Variants in SFI1 observed in about 807,000 individuals in gnomAD.
SFI1 encodes SFI1 centrin binding protein.
Under a neutral mutation model 207.5 loss-of-function variants are expected in SFI1, and 195 were observed. The observed-to-expected ratio is 0.94, with a 90% CI of 0.84 to 1.06. SFI1 has a LOEUF of 1.06. Ranked by LOEUF, SFI1 falls within the 50% of genes least tolerant of loss-of-function variation. The pLI, the probability that SFI1 is intolerant of heterozygous loss-of-function variation, is 0.00. For missense variants in SFI1, 1,634 were observed against 1,588.0 expected (o/e 1.03, Z -0.49); for synonymous variants, 630 against 598.9 (o/e 1.05, Z -0.76).
chr22:31,615,511 A>C (rs2071270355), intron 29 of SFI1: 1 of 412,004 alleles, frequency 2.4e-6, no homozygotes, highest in African/African-American at 2.0e-5. Flanking sequence ...AGAGACAAGC[A>C]AAGAAAAACC....
At chr22:31,565,614 A>G (rs1327587900) in intron 8 of SFI1, among the ~76,000 whole-genome samples, 1 of 151,990 alleles carries the variant, frequency 6.6e-6, no homozygotes, top group Admixed American at 6.6e-5. Flanking sequence ...TTGGAGGATC[A>G]CTTGAACCTG....
chr22:31,613,252 TC>T (rs745910162), intron 25 of SFI1, 36 bp downstream of exon 25: 1 of 1,612,928 alleles, frequency 6.2e-7, no homozygotes, highest in South Asian at 1.1e-5. Context: ...TCCCTGCCTC[TC>T]CCTCAGGCCT....
intron 22 of SFI1, among the ~76,000 whole-genome samples, chr22:31,608,787 T>G (rs1281223745): frequency 6.6e-6 from 1 of 152,008 alleles, no homozygotes; most frequent in Admixed American, 6.5e-5. Context: ...CTTAAATGTT[T>G]AGGGGCCAGA....
chr22:31,543,552 A>G (rs541561036), intron 4 of SFI1, among the ~76,000 whole-genome samples: 4 of 152,120 alleles, frequency 2.6e-5, no homozygotes, highest in African/African-American at 9.6e-5. Flanking sequence ...GCTCATGCCT[A>G]TAATCCCAGC....
chr22:31,509,074 G>T (rs940369713), intron 2 of SFI1, among the ~76,000 whole-genome samples: 1 of 152,010 alleles, frequency 6.6e-6, no homozygotes, highest in Non-Finnish European at 1.5e-5. Flanking sequence ...CTATTAATAG[G>T]TGTATTACAT....
intron 4 of SFI1, among the ~76,000 whole-genome samples, chr22:31,545,584 A>AATTTAATTTTATTTT (rs1412682098): frequency 5.5e-4 from 80 of 144,994 alleles, no homozygotes; most frequent in Non-Finnish European, 1.1e-3. Context: ...AATTTAATTT[A>AATTTAATTTTATTTT]ATTTTATTTT....
chr22:31,514,710 A>G (rs958688323), intron 2 of SFI1, among the ~76,000 whole-genome samples: 1 of 151,252 alleles, frequency 6.6e-6, no homozygotes, highest in Non-Finnish European at 1.5e-5. Flanking sequence ...TGTTTGGAGT[A>G]TTTCACTTAA....
chr22:31,612,977 T>G (rs1472977576), intron 24 of SFI1, 165 bp from the exon 25 acceptor site: 5 of 651,650 alleles, frequency 7.7e-6, no homozygotes, highest in Non-Finnish European at 1.3e-5. Context: ...ATGGAGCGTG[T>G]GTTGAGCATC....
intron 10 of SFI1, among the ~76,000 whole-genome samples, chr22:31,575,901 G>A (rs986771306): frequency 2.6e-5 from 4 of 152,178 alleles, no homozygotes; most frequent in Admixed American, 6.6e-5. Context: ...TGTGGAGTAG[G>A]TGCCACTATT....
chr22:31,618,360 G>T lies in SFI1; in HGVS notation c.3671G>T (p.Arg1224Leu). The change falls in exon 33 of 33, where the codon CGC (arginine) becomes CTC (leucine). Residue 1224 changes from arginine (R) to leucine (L), a missense_variant. Coordinates refer to ENST00000400288, the MANE Select transcript of SFI1 (RefSeq NM_001007467.3). The stretch of plus-strand genomic sequence containing the variant: ...CTGGCAGAGGAGCTCCAGGCTCAGC[G>T]CCAGCCCATTGGCGCCTGCGTTGCC... ...QLLAEELQAQ[R>L]QPIGACVARI... 1 of 1,608,594 alleles carries T rather than the reference G, an allele frequency of 6.2e-7. No individual in the cohort carries two copies. The highest frequency in any genetic ancestry group is 8.5e-7 in the Non-Finnish European group (1 of 1,176,848).
chr22:31,601,332 G>C (rs1042236874), intron 15 of SFI1, among the ~76,000 whole-genome samples: 1 of 151,814 alleles, frequency 6.6e-6, no homozygotes, highest in South Asian at 2.1e-4. Flanking sequence ...ACCGTGTTAG[G>C]CAGGATGGTC....
At chr22:31,567,790 G>T (rs1423777219) in intron 8 of SFI1, among the ~76,000 whole-genome samples, 1 of 152,116 alleles carries the variant, frequency 6.6e-6, no homozygotes, top group Non-Finnish European at 1.5e-5. Context: ...ACAATTGCCA[G>T]ATTTTCAAAA....
intron 2 of SFI1, among the ~76,000 whole-genome samples, chr22:31,509,833 T>G (rs5753669): frequency 0.22 from 33,061 of 152,090 alleles, 4,600 homozygotes; most frequent in East Asian, 0.44. Context: ...TTTGTCTTTG[T>G]TATGATGGCG....
Position 31,518,906 on chromosome 22 carries a change from C to T in SFI1, c.93-9784C>T, listed in dbSNP as rs77738702. 3.0e-3 allele frequency among the ~76,000 whole-genome samples: 460 copies of T among 152,222 alleles called. 1 individual carries two copies. The highest frequency in any genetic ancestry group is 0.011 in the African/African-American group (442 of 41,524). Reference sequence around the variant, plus strand: ...CTTCATTGATACACAACACTTCTCACGTGTTATCACAATTCATTGCCGGAG... The same window carrying T: ...CTTCATTGATACACAACACTTCTCATGTGTTATCACAATTCATTGCCGGAG... On this transcript the variant is annotated intron_variant, in intron 2 of 32. Transcript: ENST00000400288.
At chr22:31,547,876 C>T (rs2060242464) in intron 5 of SFI1, among the ~76,000 whole-genome samples, 1 of 150,036 alleles carries the variant, frequency 6.7e-6, no homozygotes, top group African/African-American at 2.4e-5. Context: ...TCCCAAAGTG[C>T]TGGGATTACA....
At chr22:31,602,821 CA>C in intron 17 of SFI1, 36 bp downstream of exon 17, 1 of 1,600,012 alleles carries the variant, frequency 6.2e-7, no homozygotes, top group African/African-American at 1.3e-5. Flanking sequence ...GCCTTTCCAT[CA>C]CAGGCCAGCT....
chr22:31,598,228 G>A (rs778787988), intron 15 of SFI1, among the ~76,000 whole-genome samples: 1 of 151,530 alleles, frequency 6.6e-6, no homozygotes, highest in African/African-American at 2.4e-5. Flanking sequence ...CTCATGATCC[G>A]CCCGCCTTGG....
In SFI1 at chr22:31,578,277, C is replaced by A. The variant is rs2063731385; in HGVS notation, c.1085-105C>A. Reference sequence around the variant, plus strand: ...GAGGTGGACCTCAGCCCACCTGGCACGTGTGTTATCCCCGATAGCCACGGC... The same window carrying A: ...GAGGTGGACCTCAGCCCACCTGGCAAGTGTGTTATCCCCGATAGCCACGGC... On this transcript the variant is annotated intron_variant, in intron 10 of 32. Coordinates refer to ENST00000400288, the MANE Select transcript of SFI1 (RefSeq NM_001007467.3). The A allele has an allele frequency of 6.5e-6, 7 of 1,079,826 alleles. No individual in the cohort carries two copies. The East Asian group carries it at 1.8e-4, about 28-fold the overall frequency. The allele number at this position is 1,079,826 out of a possible 1,614,324, so 66.9% of individuals were successfully genotyped here.
At chr22:31,596,677 G>A (rs529089776) in intron 15 of SFI1, among the ~76,000 whole-genome samples, 4 of 151,816 alleles carry the variant, frequency 2.6e-5, no homozygotes, top group East Asian at 3.9e-4. Context: ...CCAGCTACTC[G>A]GGAGGCTGAG....
Sources: gnomAD v4.1 joint callset for allele counts (sites outside exome capture counted in the v4.1 genomes callset) on GRCh38, gnomAD v4.1.1 for gene constraint, MANE v1.5 for transcripts, NCBI Gene and HGNC (gene_info 2026-07-23, HGNC 2026-07-21) for gene names.